Variants in BICD1 observed in about 807,000 individuals in gnomAD.
BICD1 encodes the protein BICD cargo adaptor 1.
A neutral mutation model predicts 92.5 loss-of-function variants in BICD1; 35 were observed. That is an observed-to-expected ratio of 0.38 (90% CI 0.29 to 0.50). BICD1 has a LOEUF of 0.50. Among genes scored for constraint, BICD1 ranks in the 20% least tolerant of loss-of-function variants. BICD1 has a pLI of 0.93. For synonymous variants in BICD1, 429 were observed against 465.1 expected (o/e 0.92, Z 1.00); for missense variants, 950 against 1,189.8 (o/e 0.80, Z 2.97).
chr12:32,134,226 C>T (rs1405765585), intron 1 of BICD1, among the ~76,000 whole-genome samples: 4 of 152,210 alleles, frequency 2.6e-5, no homozygotes, highest in African/African-American at 9.7e-5. Context: ...GAAATAACAG[C>T]TCTCCCTGTG....
At chr12:32,116,167 A>T (rs1008055919) in intron 1 of BICD1, among the ~76,000 whole-genome samples, 13 of 151,366 alleles carry the variant, frequency 8.6e-5, no homozygotes, top group Middle Eastern at 3.4e-3. Flanking sequence ...AATGTCTATG[A>T]TTTTTTTTTA....
rs1403641426 is a variant in BICD1, at chr12:32,337,829, C to T, written c.2570+13C>T. The T allele has an allele frequency of 2.5e-6, 4 of 1,613,288 alleles. No homozygotes were observed. The highest frequency in any genetic ancestry group is 1.7e-5 in the Admixed American group (1 of 59,998). ...CTCAGAGGAAAAGGTATGCATGCAGCGATCTTCATAGTACGGTGCAGTGGC... is the reference window on the plus strand; with the variant it reads ...CTCAGAGGAAAAGGTATGCATGCAGTGATCTTCATAGTACGGTGCAGTGGC... On this transcript the variant is annotated intron_variant, in intron 7 of 9. Transcript: ENST00000652176. The surrounding 1 kb of genome is among the most constrained non-coding windows in gnomAD (Gnocchi z 4.7).
intron 1 of BICD1, among the ~76,000 whole-genome samples, chr12:32,166,138 A>ATTTATTT (rs71068303): frequency 0.39 from 56,763 of 143,824 alleles, 11,771 homozygotes; most frequent in Admixed American, 0.5. Context: ...TTATTTATTT[A>ATTTATTT]TTTATTTATT....
At position 32,378,877 on chromosome 12, in the gene BICD1, C is replaced by T. The variant is rs1419644011; in HGVS notation, c.*1250C>T. The T allele has an allele frequency of 6.6e-6, 1 of 152,126 alleles. No individual in the cohort carries two copies. The highest frequency in any genetic ancestry group is 2.4e-5 in the African/African-American group (1 of 41,424). The allele number at this position is 152,126 out of a possible 1,614,324, so 9.4% of individuals were successfully genotyped here. Reference sequence around the variant, plus strand: ...GTTCCTGGTTAATTTACAGATTCTGCTGGGTAACTTTTATGACTTGATTTA... The same window carrying T: ...GTTCCTGGTTAATTTACAGATTCTGTTGGGTAACTTTTATGACTTGATTTA... On this transcript the variant is annotated 3_prime_UTR_variant, in exon 10 of 10. Coordinates refer to ENST00000652176, the MANE Select transcript of BICD1 (RefSeq NM_001714.4).
chr12:32,322,968 G>A (rs1448878193), intron 4 of BICD1, among the ~76,000 whole-genome samples: 1 of 152,154 alleles, frequency 6.6e-6, no homozygotes, highest in Non-Finnish European at 1.5e-5. Flanking sequence ...ACTTTCCAGT[G>A]CAAATTTGCT....
At chr12:32,358,059 T>A (rs1939185451) in intron 8 of BICD1, among the ~76,000 whole-genome samples, 2 of 152,126 alleles carry the variant, frequency 1.3e-5, no homozygotes, top group Admixed American at 6.6e-5. Flanking sequence ...AGTGTTCTAA[T>A]CTGTAAAATG....
At chr12:32,366,986 GT>G (rs1213890796) in intron 8 of BICD1, among the ~76,000 whole-genome samples, 1 of 152,070 alleles carries the variant, frequency 6.6e-6, no homozygotes, top group East Asian at 1.9e-4. Context: ...GTGTTATATT[GT>G]GACTTTAAAA....
At chr12:32,259,435 G>T (rs1017577825) in intron 2 of BICD1, among the ~76,000 whole-genome samples, 1 of 152,176 alleles carries the variant, frequency 6.6e-6, no homozygotes, top group African/African-American at 2.4e-5. Flanking sequence ...CTGAGGCTTG[G>T]TTATCCTAAC....
intron 1 of BICD1, among the ~76,000 whole-genome samples, chr12:32,109,766 T>C (rs1315374954): frequency 6.6e-6 from 1 of 151,980 alleles, no homozygotes; most frequent in Non-Finnish European, 1.5e-5. Flanking sequence ...TCTTTAAACA[T>C]AGAATATACT....
At chr12:32,327,086 G>A (rs934788723) in intron 4 of BICD1, among the ~76,000 whole-genome samples, 1 of 152,136 alleles carries the variant, frequency 6.6e-6, no homozygotes, top group African/African-American at 2.4e-5. Context: ...CTGAAAAGCA[G>A]ATGTACTCTA....
intron 8 of BICD1, 38 bp downstream of exon 8, chr12:32,339,017 A>C: frequency 6.4e-7 from 1 of 1,555,900 alleles, no homozygotes. Context: ...GATGCAAATG[A>C]TTAGTTGAAT....
chr12:32,364,015 CCATCACCACCAT>C (rs1829446502), intron 8 of BICD1, among the ~76,000 whole-genome samples: 1 of 150,154 alleles, frequency 6.7e-6, no homozygotes, highest in Non-Finnish European at 1.5e-5. Context: ...ATCACCATCA[CCATCACCACCAT>C]CATCACCATC....
chr12:32,148,147 A>T (rs1034511344), intron 1 of BICD1, among the ~76,000 whole-genome samples: 2 of 151,050 alleles, frequency 1.3e-5, no homozygotes, highest in African/African-American at 4.9e-5. Flanking sequence ...GTCTCCAAAA[A>T]AAAAAGAATC....
intron 1 of BICD1, among the ~76,000 whole-genome samples, chr12:32,120,112 CTA>C (rs1387492658): frequency 5.3e-5 from 8 of 151,770 alleles, no homozygotes; most frequent in Admixed American, 2.6e-4. Flanking sequence ...CTTATTGTGT[CTA>C]TTTATTTTAT....
intron 1 of BICD1, among the ~76,000 whole-genome samples, chr12:32,173,346 G>A (rs1236315535): frequency 1.3e-5 from 2 of 152,098 alleles, no homozygotes; most frequent in Non-Finnish European, 1.5e-5. Context: ...CACCGTGCCC[G>A]GCCCAGGCAG....
At chr12:32,248,925 G>A (rs1946460093) in intron 2 of BICD1, among the ~76,000 whole-genome samples, 1 of 152,198 alleles carries the variant, frequency 6.6e-6, no homozygotes, top group South Asian at 2.1e-4. Flanking sequence ...CTTAGGGTGA[G>A]CCACTCCATA....
intron 2 of BICD1, among the ~76,000 whole-genome samples, chr12:32,278,667 C>T (rs1947336192): frequency 6.6e-6 from 1 of 152,072 alleles, no homozygotes; most frequent in South Asian, 2.1e-4. Context: ...TCCTGGCTAA[C>T]ACAGTGAAAC....
intron 1 of BICD1, among the ~76,000 whole-genome samples, chr12:32,152,259 T>C (rs1368130213): frequency 6.6e-6 from 1 of 151,050 alleles, no homozygotes; most frequent in Admixed American, 6.6e-5. Flanking sequence ...TTTTTAACTT[T>C]TTTTTTTTTT....
intron 9 of BICD1, among the ~76,000 whole-genome samples, chr12:32,375,902 GC>G (rs1218395937): frequency 1.3e-5 from 2 of 152,006 alleles, no homozygotes; most frequent in African/African-American, 4.8e-5. Flanking sequence ...GCTTTAAAAA[GC>G]TATGCTTAAA....
Sources: allele counts gnomAD v4.1 joint callset (sites outside exome capture counted in the v4.1 genomes callset), GRCh38; gene constraint gnomAD v4.1.1; non-coding constraint Gnocchi (gnomAD v3.1); transcripts MANE v1.5; gene names NCBI Gene and HGNC (gene_info 2026-07-23, HGNC 2026-07-21).